RAB24: variants seen among roughly 807,000 people sequenced by gnomAD.
RAB24 encodes the protein ras-related protein Rab-24.
Under a neutral mutation model 31.4 loss-of-function variants are expected in RAB24, and 9 were observed. The observed-to-expected ratio is 0.29, with a 90% confidence interval of 0.17 to 0.50. RAB24 has a LOEUF of 0.50. Among genes scored for constraint, RAB24 ranks in the 20% least tolerant of loss-of-function variants. RAB24 has a pLI of 0.98. For synonymous variants in RAB24, 106 were observed against 94.1 expected (o/e 1.13, Z -0.73); for missense variants, 197 against 265.2 (o/e 0.74, Z 1.79).
Position 177,301,667 on chromosome 5 carries a change from C to T in RAB24, c.*76G>A, listed in dbSNP as rs761644642. ...CTGGGGTAGCTCAGACATTTGACTA[C>T]CCAAGCCCAGAAAGGAGCTGGGTCC... is the stretch of plus-strand genomic sequence containing the variant. On this transcript the variant is annotated 3_prime_UTR_variant, in exon 8 of 8. Coordinates refer to ENST00000303251, the MANE Select transcript of RAB24 (RefSeq NM_001031677.4). 1.1e-5 allele frequency: 17 copies of T among 1,554,258 alleles called. No individual in the cohort carries two copies. In the African/African-American group the frequency reaches 2.3e-4, roughly 21 times the overall value.
chr5:177,301,846 T>C, intron 7 of RAB24, 39 bp from the exon 8 acceptor site: 1 of 1,613,768 alleles, frequency 6.2e-7, no homozygotes, highest in Non-Finnish European at 8.5e-7. Flanking sequence ...ACCATTCTGT[T>C]GGGATCAGGT....
intron 3 of RAB24, 34 bp downstream of exon 3, chr5:177,302,718 C>A: frequency 1.9e-6 from 3 of 1,606,850 alleles, no homozygotes; most frequent in Non-Finnish European, 2.5e-6. Context: ...CCCATCTTTT[C>A]TTGTGAGACA....
In RAB24 at chr5:177,301,812, C is replaced by T. The variant is rs779479882; in HGVS notation, c.548-5G>A. Reference sequence around the variant, plus strand: ...CCAGATCCACGCCCTTGTCCTCTGTCAAAAAGAGAGGTGGCAGCTCAGCAC... The same window carrying T: ...CCAGATCCACGCCCTTGTCCTCTGTTAAAAAGAGAGGTGGCAGCTCAGCAC... On this transcript the variant is annotated splice_region_variant and splice_polypyrimidine_tract_variant and intron_variant, in intron 7 of 7. Transcript: ENST00000303251. The T allele has an allele frequency of 1.1e-5, 17 of 1,614,192 alleles. No homozygotes were observed. Among genetic ancestry groups the T allele is most frequent in the Non-Finnish European group, 1.4e-5 (17 of 1,180,032 alleles).
rs566995271 is a variant in RAB24, at chr5:177,301,359, A to C, written c.*384T>G. 73 of 216,554 alleles carry C rather than the reference A, an allele frequency of 3.4e-4. No individual in the cohort carries two copies. In the South Asian group the frequency reaches 5.3e-3, roughly 16 times the overall value. The allele number at this position is 216,554 out of a possible 1,614,324, so 13.4% of individuals were successfully genotyped here. A position where few individuals can be genotyped will look rare whatever the true frequency, so the allele number is the denominator to read the frequency against. ...CCAAAGGAAAATGAGAGTTGGGAGG[A>C]GCCTTAATATAAGCAGTGAGGCCAG... On this transcript the variant is annotated 3_prime_UTR_variant, in exon 8 of 8. Transcript: ENST00000303251.
chr5:177,302,901 C>T, intron 2 of RAB24, 71 bp from the exon 3 acceptor site: 10 of 1,595,476 alleles, frequency 6.3e-6, no homozygotes, highest in Non-Finnish European at 8.6e-6. Context: ...GATAAGGAAA[C>T]GGGTCTATGA....
Position 177,303,258 on chromosome 5 carries a change from C to T in RAB24, c.31G>A (p.Val11Met). Residue 11 changes from valine (V) to methionine (M), a missense_variant, in exon 1 of 8, where the codon GTG (valine) becomes ATG (methionine). Physicochemically the swap from Val to Met is conservative, Grantham distance 21. Transcript: ENST00000303251. This position sits in a 1 kb window ranked among gnomAD's most constrained non-coding sequence, Gnocchi z 6.1. MSGQRVDVKVVMLGKEYVGKT... is the reference protein window; with the variant it reads MSGQRVDVKVMMLGKEYVGKT... ...CCCACGTACTCCTTGCCCAGCATCACCACCTTGACGTCCACGCGCTGCCCG... is the reference window on the plus strand; with the variant it reads ...CCCACGTACTCCTTGCCCAGCATCATCACCTTGACGTCCACGCGCTGCCCG... The T allele has an allele frequency of 6.2e-7, 1 of 1,613,804 alleles. No homozygotes were observed. Among genetic ancestry groups the T allele is most frequent in the Non-Finnish European group, 8.5e-7 (1 of 1,180,034 alleles).
In RAB24 at chr5:177,302,485, G is replaced by A. The variant is rs61758742; in HGVS notation, c.345C>T (p.Ile115=). Residue 115 remains isoleucine, a synonymous_variant, in exon 5 of 8, where the codon ATC becomes ATT. Transcript: ENST00000303251. ...ELRSLEEGCQ[I]YLCGTKSDLL... The stretch of plus-strand genomic sequence containing the variant: ...GGTCACTCTTGGTGCCACATAAGTA[G>A]ATTTGGCAGCCCTGAGGCAGAAGAC... 44 of 1,613,874 alleles carry A rather than the reference G, an allele frequency of 2.7e-5. No homozygotes were observed. Among genetic ancestry groups the A allele is most frequent in the Non-Finnish European group, 3.7e-5 (44 of 1,180,022 alleles).
In RAB24 at chr5:177,303,089, G is replaced by A. The variant is rs762252078; in HGVS notation, c.118-12C>T. On this transcript the variant is annotated splice_polypyrimidine_tract_variant and intron_variant, in intron 1 of 7. Coordinates refer to ENST00000303251, the MANE Select transcript of RAB24 (RefSeq NM_001031677.4). The surrounding 1 kb of genome is among the most constrained non-coding windows in gnomAD (Gnocchi z 6.1). ...GCGGCCCCGATGGTCTGCAACGAGA[G>A]GGAAGAGATCGGGGCCATAGGTGCA... 3.7e-6 allele frequency: 6 copies of A among 1,613,928 alleles called. No homozygotes were observed. The highest frequency in any genetic ancestry group is 1.3e-5 in the African/African-American group (1 of 74,928).
rs1760760683 is a variant in RAB24 at position 177,303,557 on chromosome 5, G to C, written c.-269C>G. 3.5e-6 allele frequency: 2 copies of C among 565,346 alleles called. No homozygotes were observed. The highest frequency in any genetic ancestry group is 6.3e-6 in the Non-Finnish European group (2 of 315,602). The allele number at this position is 565,346 out of a possible 1,614,324, so 35.0% of individuals were successfully genotyped here. A position where few individuals can be genotyped will look rare whatever the true frequency, so the allele number is the denominator to read the frequency against. On this transcript the variant is annotated 5_prime_UTR_variant, in exon 1 of 8. Coordinates refer to ENST00000303251, the MANE Select transcript of RAB24 (RefSeq NM_001031677.4). The surrounding 1 kb of genome is among the most constrained non-coding windows in gnomAD (Gnocchi z 6.1). ...GCGGCCTGGGAGCGCGCGGGACAGCGTCCTCAACAGCGCAGCACGCCGCCG... is the reference window on the plus strand; with the variant it reads ...GCGGCCTGGGAGCGCGCGGGACAGCCTCCTCAACAGCGCAGCACGCCGCCG...
chr5:177,302,999 G>C lies in RAB24; in HGVS notation c.186+10C>G, dbSNP rs1299874878. On this transcript the variant is annotated intron_variant, in intron 2 of 7. Transcript: ENST00000303251. ...TGAGTCTCCCAAGAATAGATGGCCG[G>C]GGGACTTACCCAAATACCTAATGTC... is the stretch of plus-strand genomic sequence containing the variant. The C allele has an allele frequency of 6.2e-7, 1 of 1,613,642 alleles. No homozygotes were observed. Among genetic ancestry groups the C allele is most frequent in the Non-Finnish European group, 8.5e-7 (1 of 1,179,736 alleles).
intron 5 of RAB24, 59 bp from the exon 6 acceptor site, chr5:177,302,237 A>G: frequency 1.9e-6 from 3 of 1,597,254 alleles, no homozygotes; most frequent in East Asian, 2.2e-5. Flanking sequence ...GACAAAAGGG[A>G]GGGCTAGCAG....
At position 177,302,154 on chromosome 5, in the gene RAB24, G is replaced by A. The variant is rs1028370613; in HGVS notation, c.458C>T (p.Thr153Ile). The A allele has an allele frequency of 2.5e-6, 4 of 1,614,090 alleles. No individual in the cohort carries two copies. Among genetic ancestry groups the A allele is most frequent in the Admixed American group, 1.7e-5 (1 of 60,004 alleles). ...ADNIKAQLFE[T>I]SSKTGQSVDE... is the part of the protein sequence containing the mutation. ...CACACTCTGGCCTGTCTTGCTGGAT[G>A]TTTCAAAGAGCTGAGCTTTGATATC... The change falls in exon 6 of 8, where the codon ACA becomes ATA. Residue 153 changes from threonine to isoleucine, a missense_variant. Transcript: ENST00000303251.
chr5:177,302,098 C>T (rs1426966095), intron 6 of RAB24, 30 bp downstream of exon 6: 1 of 1,613,638 alleles, frequency 6.2e-7, no homozygotes, highest in Admixed American at 1.7e-5. Context: ...CCTGCATGTT[C>T]CTGCTGTGAG....
At position 177,302,759 on chromosome 5, in the gene RAB24, G is replaced by C. The variant is rs1362166921; in HGVS notation, c.258C>G (p.Val86=). Residue 86 remains valine, a synonymous_variant, in exon 3 of 8, where the codon GTC becomes GTG. Coordinates refer to ENST00000303251, the MANE Select transcript of RAB24 (RefSeq NM_001031677.4). ...AACCCCCCCCCCCCTTACCATAGCA[G>C]ACGATGGCAGCCTTGGCACCCCGAT... ...IYYRGAKAAI[V]CYDLTDSSSF... 7.1e-7 allele frequency: 1 copy of C among 1,412,184 alleles called. No individual in the cohort carries two copies. The highest frequency in any genetic ancestry group is 1.8e-5 in the Admixed American group (1 of 54,088). The allele number at this position is 1,412,184 out of a possible 1,614,324, so 87.5% of individuals were successfully genotyped here.
At chr5:177,301,830 C>G in intron 7 of RAB24, 23 bp from the exon 8 acceptor site, 1 of 1,614,138 alleles carries the variant, frequency 6.2e-7, no homozygotes, top group Non-Finnish European at 8.5e-7. Flanking sequence ...GAGGTGGCAG[C>G]TCAGCACCAT....
Position 177,303,660 on chromosome 5 carries a change from G to A in RAB24, c.-372C>T, listed in dbSNP as rs1053479940. 1.3e-5 allele frequency: 5 copies of A among 387,566 alleles called. No individual in the cohort carries two copies. The highest frequency in any genetic ancestry group is 4.3e-5 in the African/African-American group (2 of 46,794). 24.0% of individuals were successfully genotyped at this position (387,566 alleles called of 1,614,324 possible). ...GGCTGGGAATCCCAACCGAACCTGGGGTCTCCCGCAACCCGGCTCCTACCC... is the reference window on the plus strand; with the variant it reads ...GGCTGGGAATCCCAACCGAACCTGGAGTCTCCCGCAACCCGGCTCCTACCC... On this transcript the variant is annotated 5_prime_UTR_variant, in exon 1 of 8. Coordinates refer to ENST00000303251, the MANE Select transcript of RAB24 (RefSeq NM_001031677.4). The surrounding 1 kb of genome is among the most constrained non-coding windows in gnomAD (Gnocchi z 6.1).
intron 3 of RAB24, 28 bp from the exon 4 acceptor site, chr5:177,302,672 C>CAAGT (rs1366605516): frequency 1.9e-6 from 3 of 1,614,002 alleles, no homozygotes; most frequent in Non-Finnish European, 2.5e-6. Flanking sequence ...AGGAGACAAC[C>CAAGT]AAGTGGTCAA....
rs1489496803 is a variant in RAB24 at position 177,303,651 on chromosome 5, C to T, written c.-363G>A. ...CTCCGTTCTGGCTGGGAATCCCAAC[C>T]GAACCTGGGGTCTCCCGCAACCCGG... On this transcript the variant is annotated 5_prime_UTR_variant, in exon 1 of 8. Transcript: ENST00000303251. This position sits in a 1 kb window ranked among gnomAD's most constrained non-coding sequence, Gnocchi z 6.1. 2 of 404,832 alleles carry T rather than the reference C, an allele frequency of 4.9e-6. No individual in the cohort carries two copies. The highest frequency in any genetic ancestry group is 8.9e-6 in the Non-Finnish European group (2 of 225,918). The allele number at this position is 404,832 out of a possible 1,614,324, so 25.1% of individuals were successfully genotyped here.
Position 177,303,382 on chromosome 5 carries a change from G to A in RAB24, c.-94C>T. The A allele has an allele frequency of 1.6e-6, 2 of 1,237,350 alleles. No homozygotes were observed. The highest frequency in any genetic ancestry group is 3.6e-5 in the Admixed American group (2 of 55,290). 76.6% of individuals were successfully genotyped at this position (1,237,350 alleles called of 1,614,324 possible). On this transcript the variant is annotated 5_prime_UTR_variant, in exon 1 of 8. Coordinates refer to ENST00000303251, the MANE Select transcript of RAB24 (RefSeq NM_001031677.4). This position sits in a 1 kb window ranked among gnomAD's most constrained non-coding sequence, Gnocchi z 6.1. ...CGGCCCAGGCAGCGCCCAAGCCTCA[G>A]ACCCCGACCCCAAACGGCGCCAACC...
Sources: allele counts gnomAD v4.1 joint callset, GRCh38; gene constraint gnomAD v4.1.1; non-coding constraint Gnocchi (gnomAD v3.1); transcripts MANE v1.5; gene names NCBI Gene and HGNC (gene_info 2026-07-23, HGNC 2026-07-21).